The following FCGR2B variants were observed in gnomAD, a reference collection of about 807,000 sequenced individuals.
FCGR2B encodes Fc gamma receptor IIb.
FCGR2B carries 18 observed loss-of-function variants against 24.8 expected under a neutral mutation model. That is an observed-to-expected ratio of 0.73 (90% confidence interval 0.50 to 1.08). FCGR2B has a LOEUF of 1.08. Among genes scored for constraint, FCGR2B ranks in the 50% least tolerant of loss-of-function variants. FCGR2B has a pLI of 0.00. For missense variants in FCGR2B, 215 were observed against 297.6 expected (o/e 0.72, Z 2.04); for synonymous variants, 79 against 109.8 (o/e 0.72, Z 1.75).
the FCGR2B span, among the ~76,000 whole-genome samples, chr1:161,652,657 C>A: frequency 7.4e-6 from 1 of 134,710 alleles, no homozygotes; most frequent in Admixed American, 8.2e-5. Flanking sequence ...GATTTTTAAA[C>A]CTTGCTTTTC....
chr1:161,677,236 G>T, intron 6 of FCGR2B, 92 bp from the exon 7 acceptor site: 1 of 1,266,248 alleles, frequency 7.9e-7, no homozygotes, highest in Non-Finnish European at 1.2e-6. Flanking sequence ...TTTGGCTCTA[G>T]TTTGGGCGTT....
rs371871854 is a variant in FCGR2B at position 161,671,470 on chromosome 1, G to A, written c.212G>A (p.Cys71Tyr). The part of the protein sequence containing the change: ...VLQEDSVTLT[C>Y]RGTHSPESDS... ...CAGGAGGACTCTGTGACTCTGACAT[G>A]CCGGGGGACTCACAGCCCTGAGAGC... Residue 71 changes from cysteine (C) to tyrosine (Y), a missense_variant, in exon 3 of 8, where the codon TGC becomes TAC. This residue lies in a region of FCGR2B where 77 missense variants were observed against 68.8 expected (regional missense o/e 1.12). Coordinates refer to ENST00000358671, the MANE Select transcript of FCGR2B (RefSeq NM_001394477.1). The A allele has an allele frequency of 3.7e-6, 6 of 1,614,086 alleles. No homozygotes were observed. Among genetic ancestry groups the A allele is most frequent in the Non-Finnish European group, 4.2e-6 (5 of 1,180,060 alleles).
chr1:161,648,419 G>A, the FCGR2B span, among the ~76,000 whole-genome samples: 1 of 147,634 alleles, frequency 6.8e-6, no homozygotes, highest in Non-Finnish European at 1.5e-5. Context: ...TAGCCACCCA[G>A]GTGGGTATAC....
the FCGR2B span, among the ~76,000 whole-genome samples, chr1:161,652,396 A>T: frequency 7.5e-6 from 1 of 132,808 alleles, no homozygotes; most frequent in South Asian, 2.7e-4. Context: ...TGACCCTGTC[A>T]AATACATTCC....
intron 2 of FCGR2B, 110 bp from the exon 3 acceptor site, chr1:161,671,282 G>C (rs1324927529): frequency 1.3e-5 from 21 of 1,563,230 alleles, no homozygotes; most frequent in Non-Finnish European, 1.7e-5. Context: ...GCCTGGCTCG[G>C]CTTTTGGTGC....
rs950403007 is a variant in FCGR2B at position 161,678,490 on chromosome 1, A to G, written c.*937A>G. The G allele has an allele frequency of 4.6e-6, 1 of 217,294 alleles. No individual in the cohort carries two copies. The highest frequency in any genetic ancestry group is 6.8e-5 in the East Asian group (1 of 14,722). The allele number at this position is 217,294 out of a possible 1,614,324, so 13.5% of individuals were successfully genotyped here. On this transcript the variant is annotated 3_prime_UTR_variant, in exon 8 of 8. Transcript: ENST00000358671. ...CCACACCATTTAGGTTTGTATAAGT[A>G]CCTGCTATGATGTTCACACAACAAA... is the stretch of plus-strand genomic sequence containing the variant.
chr1:161,649,543 T>C, the FCGR2B span, among the ~76,000 whole-genome samples: 6 of 150,822 alleles, frequency 4.0e-5, no homozygotes, highest in African/African-American at 1.5e-4. Flanking sequence ...TAAATCTTTT[T>C]GAAAACCCTA....
intron 3 of FCGR2B, 74 bp from the exon 4 acceptor site, chr1:161,672,901 C>G: frequency 7.5e-6 from 12 of 1,591,248 alleles, no homozygotes; most frequent in Non-Finnish European, 8.6e-6. Context: ...TCGTGTCCCA[C>G]CAGTAAGGAA....
In FCGR2B at chr1:161,673,235, C is replaced by G. The variant is rs2125684; in HGVS notation, c.646+6C>G. The G allele has an allele frequency of 3.6e-3, 5,572 of 1,550,622 alleles. 285 individuals are homozygous for G. The African/African-American group carries it at 0.059, about 17-fold the overall frequency. ...TGTGACCATCACTGTCCAAGGTATG[C>G]GGAGTCTGCCAAGATGTAAGGAGGG... On this transcript the variant is annotated splice_donor_region_variant and intron_variant, in intron 4 of 7. Transcript: ENST00000358671.
At chr1:161,649,448 C>G in the FCGR2B span, among the ~76,000 whole-genome samples, 1 of 150,962 alleles carries the variant, frequency 6.6e-6, no homozygotes, top group African/African-American at 2.4e-5. Context: ...ACAACTCTAC[C>G]CTGCTGTCAT....
At chr1:161,650,789 T>C in the FCGR2B span, among the ~76,000 whole-genome samples, 12,769 of 96,248 alleles carry the variant, frequency 0.13, 50 homozygotes, top group Middle Eastern at 0.15. Flanking sequence ...TTTGTTTAAT[T>C]TTATCTTAAT....
At chr1:161,648,193 C>T in the FCGR2B span, among the ~76,000 whole-genome samples, 6 of 148,184 alleles carry the variant, frequency 4.0e-5, no homozygotes, top group African/African-American at 7.5e-5. Context: ...CATCCTGTGC[C>T]GTGGGGCAGC....
chr1:161,677,515 G>A lies in FCGR2B; in HGVS notation c.895G>A (p.Asp299Asn). The A allele has an allele frequency of 1.1e-5, 18 of 1,614,050 alleles. No individual in the cohort carries two copies. The highest frequency in any genetic ancestry group is 1.4e-5 in the Non-Finnish European group (17 of 1,179,958). The change falls in exon 8 of 8, where the codon GAT becomes AAT. Residue 299 changes from aspartate to asparagine, a missense_variant. Physicochemically the swap from Asp to Asn is conservative, Grantham distance 23. Coordinates refer to ENST00000358671, the MANE Select transcript of FCGR2B (RefSeq NM_001394477.1). ...CACCTATTCACTTCTCATGCACCCG[G>A]ATGCTCTGGAAGAGCCTGATGACCA... ...TITYSLLMHP[D>N]ALEEPDDQNR...
At chr1:161,649,789 T>C in the FCGR2B span, among the ~76,000 whole-genome samples, 2 of 149,740 alleles carry the variant, frequency 1.3e-5, 1 homozygote, top group South Asian at 4.3e-4. Flanking sequence ...TCCTATTTTA[T>C]GGTTGAGAAA....
intron 6 of FCGR2B, chr1:161,676,428 T>C (rs528310449): frequency 1.1e-5 from 2 of 181,116 alleles, no homozygotes; most frequent in African/African-American, 4.7e-5. Context: ...ATCCATCTTG[T>C]TGTGTGGTTC....
intron 6 of FCGR2B, chr1:161,676,154 A>G (rs1171682754): frequency 2.6e-5 from 6 of 228,936 alleles, no homozygotes; most frequent in Non-Finnish European, 4.3e-5. Flanking sequence ...TCAGAGCACA[A>G]AGGAAACCAG....
chr1:161,656,022 AT>A, the FCGR2B span, among the ~76,000 whole-genome samples: 2 of 131,216 alleles, frequency 1.5e-5, no homozygotes, highest in African/African-American at 2.6e-5. Flanking sequence ...CCCCTGGCTA[AT>A]TTTTTGTATT....
At chr1:161,677,192 C>A (rs983226015) in intron 6 of FCGR2B, 136 bp from the exon 7 acceptor site, 1 of 818,572 alleles carries the variant, frequency 1.2e-6, no homozygotes, top group Non-Finnish European at 2.1e-6. Flanking sequence ...CAGTGCTTGG[C>A]CTAGAGGCCC....
chr1:161,651,657 C>T, the FCGR2B span, among the ~76,000 whole-genome samples: 1 of 119,950 alleles, frequency 8.3e-6, no homozygotes, highest in East Asian at 2.1e-4. Flanking sequence ...AAGATCTGGC[C>T]GGGCGCAGTG....
Sources: allele counts gnomAD v4.1 joint callset (sites outside exome capture counted in the v4.1 genomes callset), GRCh38; gene constraint gnomAD v4.1.1; regional missense constraint gnomAD v4.1.1; transcripts MANE v1.5; gene names NCBI Gene and HGNC (gene_info 2026-07-23, HGNC 2026-07-21).